The following TNRC6A variants were observed in gnomAD, a reference collection of about 807,000 sequenced individuals.
The protein encoded by TNRC6A is trinucleotide repeat containing adaptor 6A.
TNRC6A carries 44 observed loss-of-function variants against 221.2 expected under a neutral mutation model. That is an observed-to-expected ratio of 0.20 (90% confidence interval 0.16 to 0.26). The LOEUF (loss-of-function observed/expected upper bound fraction) is 0.26. Ranked by LOEUF, TNRC6A falls within the 10% of genes least tolerant of loss-of-function variation. TNRC6A has a pLI of 1.00. For missense variants in TNRC6A, 2,199 were observed against 2,404.4 expected, an observed-to-expected ratio of 0.91 and a Z score of 1.79; for synonymous variants, 847 against 838.5, an observed-to-expected ratio of 1.01 and a Z score of -0.18.
At chr16:24,816,998 A>T (rs751075571) in intron 20 of TNRC6A, 42 bp downstream of exon 20, 3 of 1,591,322 alleles carry the variant, frequency 1.9e-6, no homozygotes, top group Non-Finnish European at 2.6e-6. Context: ...GACACTTAAC[A>T]CAGTTTAAGA....
chr16:24,622,257 A>T (rs893696982), intron 1 of TNRC6A, among the ~76,000 whole-genome samples: 9 of 152,100 alleles, frequency 5.9e-5, no homozygotes, highest in African/African-American at 1.9e-4. Flanking sequence ...AGAAAAAAAT[A>T]AAAAAAAGAT....
chr16:24,821,964 T>C (rs894963428), intron 22 of TNRC6A, 113 bp from the exon 23 acceptor site: 2 of 983,970 alleles, frequency 2.0e-6, no homozygotes, highest in East Asian at 2.4e-5. Context: ...AAGCCTCCCA[T>C]GTAGAAGTGC....
At chr16:24,626,257 T>C (rs1175694073) in intron 1 of TNRC6A, among the ~76,000 whole-genome samples, 1 of 152,146 alleles carries the variant, frequency 6.6e-6, no homozygotes, top group African/African-American at 2.4e-5. Flanking sequence ...GCAAATCTAG[T>C]GGTCACTCTT....
intron 5 of TNRC6A, among the ~76,000 whole-genome samples, chr16:24,784,469 A>C (rs893649191): frequency 6.6e-6 from 1 of 152,158 alleles, no homozygotes; most frequent in Non-Finnish European, 1.5e-5. Flanking sequence ...GACCCCAGGT[A>C]TATGCTACTA....
chr16:24,661,862 G>A (rs759953716), intron 2 of TNRC6A: 1 of 152,182 alleles, frequency 6.6e-6, no homozygotes, highest in African/African-American at 2.4e-5. Flanking sequence ...TGTTTCTACA[G>A]TACTGGTAGA....
At chr16:24,685,516 T>C (rs1824753540) in intron 2 of TNRC6A, among the ~76,000 whole-genome samples, 1 of 152,138 alleles carries the variant, frequency 6.6e-6, no homozygotes, top group African/African-American at 2.4e-5. Flanking sequence ...TTGTTTATTT[T>C]TTAGTAGAGA....
chr16:24,679,632 A>G (rs1324963312), intron 2 of TNRC6A, among the ~76,000 whole-genome samples: 1 of 152,052 alleles, frequency 6.6e-6, no homozygotes, highest in East Asian at 1.9e-4. Flanking sequence ...ACACGCTGCC[A>G]CATCTGGCTA....
chr16:24,717,770 C>CTTTTTTTTTTTTTTTTTTTTTTTTTT (rs71383705), intron 2 of TNRC6A, among the ~76,000 whole-genome samples: 1 of 107,368 alleles, frequency 9.3e-6, no homozygotes, highest in Non-Finnish European at 1.9e-5. Flanking sequence ...TTTTTTTTTT[C>CTTTTTTTTTTTTTTTTTTTTTTTTTT]TTTTTTTTTT....
chr16:24,694,229 G>A (rs549534039), intron 2 of TNRC6A, among the ~76,000 whole-genome samples: 11 of 152,158 alleles, frequency 7.2e-5, no homozygotes, highest in African/African-American at 1.9e-4. Context: ...GTGGACACTC[G>A]GTCTCTTGCC....
At chr16:24,675,694 CTCTCTCTCTATATA>C (rs1293695891) in intron 2 of TNRC6A, among the ~76,000 whole-genome samples, 16 of 81,112 alleles carry the variant, frequency 2.0e-4, no homozygotes, top group African/African-American at 3.6e-4. Context: ...CTCTCTCTCT[CTCTCTCTCTATATA>C]TATATATATA....
intron 2 of TNRC6A, among the ~76,000 whole-genome samples, chr16:24,747,163 A>G (rs993399798): frequency 2.6e-5 from 4 of 152,226 alleles, no homozygotes; most frequent in Admixed American, 6.5e-5. Context: ...TTAAAATACA[A>G]TTTACATACA....
At chr16:24,820,726 T>C (rs529693377) in intron 22 of TNRC6A, among the ~76,000 whole-genome samples, 21 of 152,364 alleles carry the variant, frequency 1.4e-4, no homozygotes, top group Admixed American at 3.9e-4. Flanking sequence ...TTGGCCTGTA[T>C]TAAATGGGGA....
At chr16:24,753,622 T>A (rs916183071) in intron 3 of TNRC6A, among the ~76,000 whole-genome samples, 3 of 152,178 alleles carry the variant, frequency 2.0e-5, no homozygotes, top group African/African-American at 7.2e-5. Context: ...TGAGGAATTG[T>A]GAGTCACAGG....
chr16:24,636,441 G>A (rs1486797122), intron 1 of TNRC6A, among the ~76,000 whole-genome samples: 1 of 150,896 alleles, frequency 6.6e-6, no homozygotes, highest in Non-Finnish European at 1.5e-5. Context: ...GATGATCACA[G>A]CTCCCTGCAG....
intron 1 of TNRC6A, among the ~76,000 whole-genome samples, chr16:24,628,792 T>G (rs1212825291): frequency 2.6e-5 from 4 of 151,842 alleles, no homozygotes; most frequent in African/African-American, 4.8e-5. Flanking sequence ...AGATTTTCAA[T>G]GTCGGTGCCC....
intron 4 of TNRC6A, among the ~76,000 whole-genome samples, chr16:24,763,006 A>G (rs951672259): frequency 1.3e-5 from 2 of 151,716 alleles, no homozygotes; most frequent in African/African-American, 2.4e-5. Flanking sequence ...AAATTGTAGC[A>G]CCAGTATAAT....
intron 2 of TNRC6A, among the ~76,000 whole-genome samples, chr16:24,648,274 C>CTTTTTTTTTTTTTTTTTTTTTT (rs71156430): frequency 1.0e-4 from 10 of 97,870 alleles, no homozygotes; most frequent in Non-Finnish European, 1.1e-4. Flanking sequence ...TCCACAGCAA[C>CTTTTTTTTTTTTTTTTTTTTTT]TTTTTTTTTT....
intron 2 of TNRC6A, among the ~76,000 whole-genome samples, chr16:24,724,071 T>C (rs2056454673): frequency 6.6e-6 from 1 of 152,260 alleles, no homozygotes; most frequent in Admixed American, 6.5e-5. Context: ...TATGTATGTA[T>C]TGTGAAATTA....
rs560444001 is a variant in TNRC6A, at chr16:24,688,976, G to A, written n.402+47967G>A. Among the ~76,000 whole-genome samples, 262 of 152,276 alleles carry A rather than the reference G, an allele frequency of 1.7e-3. 1 individual carries two copies. The highest frequency in any genetic ancestry group is 6.1e-3 in the African/African-American group (254 of 41,558). ...AGCATTTTGGGAGGCCGACGCGGGA[G>A]GATCTCTTGAGCCCAGGAGTTCGGG... is the stretch of plus-strand genomic sequence containing the variant. On this transcript the variant is annotated intron_variant and non_coding_transcript_variant, in intron 2 of 2. Coordinates refer to the TNRC6A transcript ENST00000566108.
Sources: gnomAD v4.1 joint callset for allele counts (sites outside exome capture counted in the v4.1 genomes callset) on GRCh38, gnomAD v4.1.1 for gene constraint, MANE v1.5 for transcripts, NCBI Gene and HGNC (gene_info 2026-07-23, HGNC 2026-07-21) for gene names.